Variants in BAZ1A observed in about 807,000 individuals in gnomAD.
The protein encoded by BAZ1A is bromodomain adjacent to zinc finger domain 1A, also known as bromodomain adjacent to zinc finger domain protein 1A.
BAZ1A carries 50 observed loss-of-function variants against 185.2 expected under a neutral mutation model. That is an observed-to-expected ratio of 0.27 (90% CI 0.22 to 0.34). BAZ1A has a LOEUF of 0.34. BAZ1A is among the 10% of genes least tolerant of loss of function. BAZ1A has a pLI of 1.00. For synonymous variants in BAZ1A, 571 were observed against 615.6 expected, an observed-to-expected ratio of 0.93 and a Z score of 1.07; for missense variants, 1,356 against 1,839.9, an observed-to-expected ratio of 0.74 and a Z score of 4.81.
chr14:34,772,512 G>GA (rs1879292530), intron 20 of BAZ1A, among the ~76,000 whole-genome samples: 1 of 152,088 alleles, frequency 6.6e-6, no homozygotes, highest in African/African-American at 2.4e-5. Context: ...TTCCCTTCTA[G>GA]ATGACAAACT....
chr14:34,804,084 T>C (rs1375041378), intron 6 of BAZ1A, among the ~76,000 whole-genome samples: 1 of 152,194 alleles, frequency 6.6e-6, no homozygotes, highest in Non-Finnish European at 1.5e-5. Context: ...CTCGGCTCAC[T>C]GCAACTTCTG....
intron 2 of BAZ1A, among the ~76,000 whole-genome samples, chr14:34,873,658 G>C (rs951510830): frequency 6.6e-6 from 1 of 152,178 alleles, no homozygotes; most frequent in Non-Finnish European, 1.5e-5. Flanking sequence ...CCGGCTATGC[G>C]AAAGTGAAAA....
chr14:34,858,287 G>C (rs750480251), intron 3 of BAZ1A, among the ~76,000 whole-genome samples: 1 of 151,934 alleles, frequency 6.6e-6, no homozygotes, highest in South Asian at 2.1e-4. Flanking sequence ...AGACAGACTC[G>C]TGCTTTGTTG....
In BAZ1A at chr14:34,874,569, C is replaced by G. The variant is rs932913709; in HGVS notation, c.36G>C (p.Gln12His). 1 of 1,611,698 alleles carries G rather than the reference C, an allele frequency of 6.2e-7. No homozygotes were observed. Among genetic ancestry groups the G allele is most frequent in the Non-Finnish European group, 8.5e-7 (1 of 1,179,010 alleles). ...PLLHRKPFVRQKPPADLRPDE... is the reference protein window; with the variant it reads ...PLLHRKPFVRHKPPADLRPDE... ...CGGGCCGCAGGTCCGCGGGCGGCTT[C>G]TGTCTCACAAACGGCTTTCGGTGTA... Residue 12 changes from glutamine to histidine, a missense_variant, in exon 2 of 27, where the codon CAG (glutamine) becomes CAC (histidine). By Grantham distance (24) the Gln-to-His change is conservative (BLOSUM62 0). Around this residue, in one of 7 missense-constraint regions of BAZ1A, gnomAD observed 332 missense variants for 395.3 expected, o/e 0.84. Transcript: ENST00000360310. The surrounding 1 kb of genome is among the most constrained non-coding windows in gnomAD (Gnocchi z 4.7).
chr14:34,767,102 G>A (rs1878898811), intron 21 of BAZ1A, among the ~76,000 whole-genome samples: 1 of 152,186 alleles, frequency 6.6e-6, no homozygotes. Context: ...TACTTAGAAT[G>A]CAGCATCAGT....
Position 34,874,288 on chromosome 14 carries a change from G to C in BAZ1A, c.113+204C>G. The stretch of plus-strand genomic sequence containing the variant: ...GCCTCCTCCGCCACTACCAACCCGC[G>C]TTCCCCACGCGCGCCGCCGCCAGTT... On this transcript the variant is annotated intron_variant, in intron 2 of 26. Transcript: ENST00000360310. This position sits in a 1 kb window ranked among gnomAD's most constrained non-coding sequence, Gnocchi z 4.7. 1 of 544,650 alleles carries C rather than the reference G, an allele frequency of 1.8e-6. No individual in the cohort carries two copies. The highest frequency in any genetic ancestry group is 3.2e-6 in the Non-Finnish European group (1 of 309,002). 33.7% of individuals were successfully genotyped at this position (544,650 alleles called of 1,614,324 possible). A position where few individuals can be genotyped will look rare whatever the true frequency, so the allele number is the denominator to read the frequency against.
intron 20 of BAZ1A, among the ~76,000 whole-genome samples, chr14:34,773,167 C>T (rs1321476184): frequency 6.6e-6 from 1 of 152,180 alleles, no homozygotes; most frequent in Non-Finnish European, 1.5e-5. Context: ...GCTTCCGCCT[C>T]CCGAGCAGCT....
chr14:34,780,807 C>T (rs1257232953), intron 16 of BAZ1A, among the ~76,000 whole-genome samples: 2 of 152,102 alleles, frequency 1.3e-5, no homozygotes, highest in Non-Finnish European at 2.9e-5. Context: ...AGGAAAAAAC[C>T]AGAAGAATTT....
intron 3 of BAZ1A, among the ~76,000 whole-genome samples, chr14:34,830,703 T>C (rs2042228675): frequency 6.6e-6 from 1 of 151,296 alleles, no homozygotes; most frequent in African/African-American, 2.4e-5. Flanking sequence ...CAAGATACAG[T>C]AGGGAGTAAA....
intron 8 of BAZ1A, 133 bp from the exon 9 acceptor site, chr14:34,800,523 C>G: frequency 1.5e-6 from 1 of 683,450 alleles, no homozygotes; most frequent in East Asian, 3.2e-5. Context: ...AAAATTCCTA[C>G]AGGGAGCCAG....
chr14:34,756,464 CTATTTTTTTT>C (rs1262388373), intron 25 of BAZ1A, among the ~76,000 whole-genome samples: 14 of 107,168 alleles, frequency 1.3e-4, no homozygotes, highest in African/African-American at 3.4e-4. Context: ...GCCAGAATAC[CTATTTTTTTT>C]TTTTTTTTTT....
intron 4 of BAZ1A, among the ~76,000 whole-genome samples, chr14:34,821,321 A>G (rs2042085839): frequency 6.6e-6 from 1 of 152,194 alleles, no homozygotes; most frequent in Non-Finnish European, 1.5e-5. Flanking sequence ...GAAACAAAAC[A>G]ATTTATGTGA....
intron 4 of BAZ1A, among the ~76,000 whole-genome samples, chr14:34,818,901 G>A (rs1334272381): frequency 1.3e-5 from 2 of 152,098 alleles, no homozygotes; most frequent in African/African-American, 2.4e-5. Flanking sequence ...CAGCACTTTG[G>A]GAGGCCGAGG....
intron 2 of BAZ1A, among the ~76,000 whole-genome samples, chr14:34,873,015 ACAGGAG>A (rs2042977496): frequency 6.6e-6 from 1 of 151,530 alleles, no homozygotes; most frequent in East Asian, 1.9e-4. Context: ...ACAAGTCTCT[ACAGGAG>A]CAGAGCGAGA....
intron 3 of BAZ1A, among the ~76,000 whole-genome samples, chr14:34,827,390 G>T (rs1441714690): frequency 6.6e-6 from 1 of 152,128 alleles, no homozygotes; most frequent in Non-Finnish European, 1.5e-5. Context: ...AGCTATTATT[G>T]TGAAAATGTC....
At chr14:34,844,619 A>AT (rs1443276480) in intron 3 of BAZ1A, among the ~76,000 whole-genome samples, 1 of 151,782 alleles carries the variant, frequency 6.6e-6, no homozygotes, top group Non-Finnish European at 1.5e-5. Context: ...TCTACAAAAA[A>AT]AAAAAATTAA....
At chr14:34,815,154 C>A (rs2041987822) in intron 4 of BAZ1A, among the ~76,000 whole-genome samples, 1 of 152,084 alleles carries the variant, frequency 6.6e-6, no homozygotes, top group Non-Finnish European at 1.5e-5. Context: ...ACTTTTCTTG[C>A]CGTACCATGA....
chr14:34,863,352 G>A lies in BAZ1A; in HGVS notation c.114-1030C>T, dbSNP rs944597940. On this transcript the variant is annotated intron_variant, in intron 2 of 26. Transcript: ENST00000360310. ...CTAATTTTGTATTTTTAGTAGAGAC[G>A]GGGTTTCTCCATGTTGGTCAGTCTG... Among the ~76,000 whole-genome samples the A allele has an allele frequency of 4.0e-5, 6 of 151,568 alleles. No individual in the cohort carries two copies. The South Asian group carries it at 1.3e-3, about 32-fold the overall frequency.
intron 12 of BAZ1A, among the ~76,000 whole-genome samples, chr14:34,789,041 C>T (rs760313086): frequency 2.6e-5 from 4 of 152,104 alleles, no homozygotes; most frequent in Non-Finnish European, 4.4e-5. Flanking sequence ...TGCATATATG[C>T]CAAAAGTCAT....
Sources: gnomAD v4.1 joint callset for allele counts (sites outside exome capture counted in the v4.1 genomes callset) on GRCh38, gnomAD v4.1.1 for gene constraint, gnomAD v4.1.1 regional missense constraint, Gnocchi (gnomAD v3.1) non-coding constraint, MANE v1.5 for transcripts, NCBI Gene and HGNC (gene_info 2026-07-23, HGNC 2026-07-21) for gene names.